GLYR1: variants seen among roughly 807,000 people sequenced by gnomAD.
GLYR1 encodes glyoxylate reductase 1 homolog, also known as cytokine-like nuclear factor N-PAC.
Under a neutral mutation model 72.7 loss-of-function variants are expected in GLYR1, and 21 were observed. The observed-to-expected ratio is 0.29, with a 90% CI of 0.20 to 0.42. The LOEUF is 0.42. GLYR1 is among the 10% of genes least tolerant of loss of function. The pLI, the probability that GLYR1 is intolerant of heterozygous loss-of-function variation, is 1.00. For missense variants in GLYR1, 594 were observed against 712.1 expected (o/e 0.83, Z 1.89); for synonymous variants, 392 against 270.2 (o/e 1.45, Z -4.42).
intron 1 of GLYR1, 33 bp from the exon 2 acceptor site, chr16:4,846,243 T>C (rs2086044364): frequency 6.2e-7 from 1 of 1,612,532 alleles, no homozygotes; most frequent in South Asian, 1.1e-5. Context: ...ACACTTGCCC[T>C]GCAAAAGCCA....
At chr16:4,815,503 T>C (rs151052452) in intron 10 of GLYR1, among the ~76,000 whole-genome samples, 144 of 152,326 alleles carry the variant, frequency 9.5e-4, no homozygotes, top group African/African-American at 3.1e-3. Flanking sequence ...CCACTTTCAA[T>C]TGTAAAATCA....
intron 1 of GLYR1, 97 bp downstream of exon 1, chr16:4,847,131 A>C: frequency 2.6e-6 from 3 of 1,133,470 alleles, no homozygotes; most frequent in Non-Finnish European, 3.9e-6. Flanking sequence ...CGCGACCTGG[A>C]GCGCATAAAA....
At chr16:4,844,825 T>G (rs542967273) in intron 3 of GLYR1, among the ~76,000 whole-genome samples, 2 of 152,334 alleles carry the variant, frequency 1.3e-5, no homozygotes, top group East Asian at 3.9e-4. Flanking sequence ...TGTTTCAATG[T>G]GATTGTTATA....
chr16:4,834,050 AGTGT>A, intron 3 of GLYR1, among the ~76,000 whole-genome samples: 1 of 152,216 alleles, frequency 6.6e-6, no homozygotes, highest in Non-Finnish European at 1.5e-5. Context: ...ACTAACAGCA[AGTGT>A]TAACCTTTGC....
At chr16:4,815,619 A>G (rs759791993) in intron 10 of GLYR1, among the ~76,000 whole-genome samples, 1 of 152,246 alleles carries the variant, frequency 6.6e-6, no homozygotes, top group Non-Finnish European at 1.5e-5. Context: ...CAACAAATGT[A>G]GACAGATGAC....
chr16:4,846,649 T>G, intron 1 of GLYR1: 1 of 250,666 alleles, frequency 4.0e-6, no homozygotes, highest in Non-Finnish European at 8.0e-6. Context: ...TTCGGGCGGT[T>G]GTCTGGGACA....
chr16:4,808,666 T>C (rs2083141100), intron 15 of GLYR1, among the ~76,000 whole-genome samples: 1 of 151,870 alleles, frequency 6.6e-6, no homozygotes, highest in Middle Eastern at 3.4e-3. Flanking sequence ...ACTTTAAAAA[T>C]ACAGCTGCTG....
intron 5 of GLYR1, among the ~76,000 whole-genome samples, chr16:4,829,835 G>C (rs545044251): frequency 3.9e-5 from 6 of 152,136 alleles, no homozygotes; most frequent in African/African-American, 1.4e-4. Flanking sequence ...ACCACACTCG[G>C]GTAATTTTTG....
chr16:4,817,558 G>T lies in GLYR1; in HGVS notation c.906+40C>A, dbSNP rs371431974. ...GATGTCCACTCTTAGGGTTACCCCA[G>T]ACTCCACCGATCCAACAGGCACCAC... On this transcript the variant is annotated intron_variant, in intron 10 of 15. Transcript: ENST00000321919. 284 of 1,244,560 alleles carry T rather than the reference G, an allele frequency of 2.3e-4. 1 individual carries two copies. Among genetic ancestry groups the T allele is most frequent in the African/African-American group, 6.1e-4 (41 of 67,738 alleles). 77.1% of individuals were successfully genotyped at this position (1,244,560 alleles called of 1,614,324 possible). A position where few individuals can be genotyped will look rare whatever the true frequency, so the allele number is the denominator to read the frequency against.
In GLYR1 at chr16:4,832,795, C is replaced by T. The variant is rs747838702; in HGVS notation, c.273G>A (p.Arg91=). The stretch of plus-strand genomic sequence containing the variant: ...TCACCTGGTCTTTCCCTTTGGCTCT[C>T]CTGAGGAACTCTTCGACAGCATCTA... The part of the protein sequence containing the change: ...QAVDAVEEFL[R]RAKGKDQTSS... The change falls in exon 4 of 16, where the codon AGG becomes AGA. Residue 91 remains arginine, a synonymous_variant. Transcript: ENST00000321919. 3.1e-6 allele frequency: 5 copies of T among 1,612,008 alleles called. No homozygotes were observed. In the Admixed American group the frequency reaches 6.7e-5, roughly 22 times the overall value.
intron 5 of GLYR1, among the ~76,000 whole-genome samples, chr16:4,829,055 T>C (rs1047680674): frequency 6.6e-6 from 1 of 152,074 alleles, no homozygotes; most frequent in Non-Finnish European, 1.5e-5. Context: ...TAGATCATGT[T>C]CCCTATAAAG....
chr16:4,810,830 C>T (rs1024605491), intron 15 of GLYR1, among the ~76,000 whole-genome samples: 6 of 147,508 alleles, frequency 4.1e-5, no homozygotes, highest in South Asian at 2.2e-4. Flanking sequence ...AATGGCTGGG[C>T]GTGGTAGCTC....
At chr16:4,845,689 C>A (rs984009248) in intron 2 of GLYR1, among the ~76,000 whole-genome samples, 14 of 152,104 alleles carry the variant, frequency 9.2e-5, no homozygotes, top group Non-Finnish European at 1.5e-4. Context: ...TATAAAAACA[C>A]AACATTTGGA....
intron 5 of GLYR1, among the ~76,000 whole-genome samples, chr16:4,827,833 G>A (rs547997012): frequency 1.4e-4 from 21 of 151,988 alleles, no homozygotes; most frequent in African/African-American, 4.8e-4. Context: ...CCAGGAGGCG[G>A]AGCTTGCAGT....
At chr16:4,817,401 G>A (rs796509953) in intron 10 of GLYR1, among the ~76,000 whole-genome samples, 197 bp downstream of exon 10, 7 of 152,250 alleles carry the variant, frequency 4.6e-5, no homozygotes, top group African/African-American at 1.7e-4. Flanking sequence ...TTACAGGAGT[G>A]AGCCACCGCG....
Position 4,817,613 on chromosome 16 carries a change from G to A in GLYR1, c.891C>T (p.Asn297=). 1 of 1,610,500 alleles carries A rather than the reference G, an allele frequency of 6.2e-7. No individual in the cohort carries two copies. Among genetic ancestry groups the A allele is most frequent in the Non-Finnish European group, 8.5e-7 (1 of 1,176,726 alleles). ...GAATGCTTACTTTCTCTGCAGTGCGGTTCCAGACAGTCACTGTGTGACCCA... is the reference window on the plus strand; with the variant it reads ...GAATGCTTACTTTCTCTGCAGTGCGATTCCAGACAGTCACTGTGTGACCCA... The part of the protein sequence containing the change: ...LKMGHTVTVW[N]RTAEKCDLFI... Residue 297 remains asparagine (N), a synonymous_variant, in exon 10 of 16, where the codon AAC becomes AAT. Coordinates refer to ENST00000321919, the MANE Select transcript of GLYR1 (RefSeq NM_032569.4).
chr16:4,846,293 C>T, intron 1 of GLYR1, 83 bp from the exon 2 acceptor site: 1 of 1,454,022 alleles, frequency 6.9e-7, no homozygotes, highest in Non-Finnish European at 9.7e-7. Context: ...AATTTATTTT[C>T]CTAAATCTCT....
chr16:4,810,144 G>C (rs373585638), intron 15 of GLYR1, among the ~76,000 whole-genome samples: 5 of 152,130 alleles, frequency 3.3e-5, no homozygotes, highest in Non-Finnish European at 7.3e-5. Flanking sequence ...ATATACTCAT[G>C]TTATAAAGAA....
Position 4,803,501 on chromosome 16 carries a change from A to T in GLYR1, c.*1735T>A, listed in dbSNP as rs1003176083. 4 of 152,658 alleles carry T rather than the reference A, an allele frequency of 2.6e-5. No homozygotes were observed. The highest frequency in any genetic ancestry group is 6.5e-5 in the Admixed American group (1 of 15,290). The allele number at this position is 152,658 out of a possible 1,614,324, so 9.5% of individuals were successfully genotyped here. A position where few individuals can be genotyped will look rare whatever the true frequency, so the allele number is the denominator to read the frequency against. ...TAGCTTAAACAGAAATATTCATAAA[A>T]AGGAACTTTACAGAATTGTCAACAA... On this transcript the variant is annotated 3_prime_UTR_variant, in exon 16 of 16. Transcript: ENST00000321919.
Sources: allele counts gnomAD v4.1 joint callset (sites outside exome capture counted in the v4.1 genomes callset), GRCh38; gene constraint gnomAD v4.1.1; transcripts MANE v1.5; gene names NCBI Gene and HGNC (gene_info 2026-07-23, HGNC 2026-07-21).